Variants in EVI5 observed in about 807,000 individuals in gnomAD.
EVI5 encodes the protein ecotropic viral integration site 5 protein homolog.
Under a neutral mutation model 112.0 loss-of-function variants are expected in EVI5, and 73 were observed. That is an observed-to-expected ratio of 0.65 (90% CI 0.54 to 0.79). EVI5 has a LOEUF of 0.79. Ranked by LOEUF, EVI5 falls within the 30% of genes least tolerant of loss-of-function variation. The pLI is 0.00. For missense variants in EVI5, 900 were observed against 968.8 expected, an observed-to-expected ratio of 0.93 and a Z score of 0.94; for synonymous variants, 305 against 319.9, an observed-to-expected ratio of 0.95 and a Z score of 0.50.
chr1:92,757,189 T>A (rs114547655), intron 1 of EVI5, among the ~76,000 whole-genome samples: 1 of 152,230 alleles, frequency 6.6e-6, no homozygotes. Flanking sequence ...AATCCGTGTA[T>A]GACAAAAATG....
intron 19 of EVI5, among the ~76,000 whole-genome samples, chr1:92,560,023 C>A (rs1170769146): frequency 6.6e-6 from 1 of 152,110 alleles, no homozygotes. Flanking sequence ...ATAAGAAAGA[C>A]TGACAATTCC....
intron 19 of EVI5, among the ~76,000 whole-genome samples, chr1:92,549,130 G>A (rs892311066): frequency 1.3e-5 from 2 of 152,050 alleles, no homozygotes; most frequent in Non-Finnish European, 2.9e-5. Context: ...AAACAGCATG[G>A]TACTGGTACC....
chr1:92,755,436 A>T (rs1380028190), intron 1 of EVI5, among the ~76,000 whole-genome samples: 1 of 152,014 alleles, frequency 6.6e-6, no homozygotes, highest in East Asian at 1.9e-4. Context: ...AAACCAAAAA[A>T]CCCAAAAACA....
chr1:92,547,524 C>A (rs1468084267), intron 19 of EVI5, among the ~76,000 whole-genome samples: 1 of 152,048 alleles, frequency 6.6e-6, no homozygotes, highest in East Asian at 1.9e-4. Context: ...GAGATAGAGA[C>A]ACAAAAAACC....
intron 1 of EVI5, among the ~76,000 whole-genome samples, chr1:92,754,181 C>G (rs756492307): frequency 2.0e-5 from 3 of 152,220 alleles, no homozygotes; most frequent in Non-Finnish European, 4.4e-5. Context: ...ATTCAAACAT[C>G]AGGCTATCTC....
At chr1:92,548,557 T>C (rs953262961) in intron 19 of EVI5, among the ~76,000 whole-genome samples, 1 of 152,092 alleles carries the variant, frequency 6.6e-6, no homozygotes, top group African/African-American at 2.4e-5. Context: ...AGTCAAATTG[T>C]CCCTGTTTGC....
chr1:92,760,167 T>C (rs1261436736), intron 1 of EVI5, among the ~76,000 whole-genome samples: 6 of 152,194 alleles, frequency 3.9e-5, no homozygotes, highest in Non-Finnish European at 8.8e-5. Flanking sequence ...AATTAATTTT[T>C]GGAGAGTCCT....
At chr1:92,657,019 CCTT>C (rs1327398049) in intron 13 of EVI5, among the ~76,000 whole-genome samples, 2 of 152,094 alleles carry the variant, frequency 1.3e-5, no homozygotes, top group Admixed American at 6.5e-5. Context: ...AGGGACTCCT[CCTT>C]AACTCATTCT....
intron 14 of EVI5, among the ~76,000 whole-genome samples, chr1:92,634,191 G>C (rs1195464439): frequency 6.6e-6 from 1 of 152,048 alleles, no homozygotes; most frequent in Non-Finnish European, 1.5e-5. Context: ...GTATCTTTGT[G>C]GTATTCTCTG....
intron 18 of EVI5, chr1:92,580,410 C>T (rs1344803514): frequency 2.6e-5 from 4 of 152,204 alleles, no homozygotes; most frequent in African/African-American, 9.7e-5. Flanking sequence ...TTTTAAAAAC[C>T]AATCAATGAT....
At chr1:92,561,616 T>TGTATC (rs1557790388) in intron 19 of EVI5, among the ~76,000 whole-genome samples, 100 of 83,914 alleles carry the variant, frequency 1.2e-3, no homozygotes, top group Non-Finnish European at 1.6e-3. Context: ...ATCCTATCTA[T>TGTATC]CTATCTATCT....
intron 16 of EVI5, among the ~76,000 whole-genome samples, chr1:92,612,077 G>A (rs1571882090): frequency 6.6e-6 from 1 of 152,160 alleles, no homozygotes; most frequent in East Asian, 1.9e-4. Flanking sequence ...TAAGACAGAA[G>A]AACACATGAA....
chr1:92,605,403 C>A lies in EVI5; in HGVS notation c.1975-1G>T. 1 of 1,605,400 alleles carries A rather than the reference C, an allele frequency of 6.2e-7. No individual in the cohort carries two copies. The highest frequency in any genetic ancestry group is 1.1e-5 in the South Asian group (1 of 90,834). On this transcript the variant is annotated splice_acceptor_variant, in intron 17 of 19. Transcript: ENST00000684568. LOFTEE classifies it high-confidence loss of function. Reference sequence around the variant, plus strand: ...TCACAGCCATCACTTCTTCCTTATTCTAGTGTGGTAAACCAAACCGAAACA... The same window carrying A: ...TCACAGCCATCACTTCTTCCTTATTATAGTGTGGTAAACCAAACCGAAACA...
intron 1 of EVI5, chr1:92,792,312 A>G: frequency 7.1e-7 from 1 of 1,416,190 alleles, no homozygotes; most frequent in Non-Finnish European, 1.0e-6. Context: ...ATAAGTTTTA[A>G]TATAAAATCA....
At chr1:92,689,181 G>A (rs574726238) in intron 9 of EVI5, among the ~76,000 whole-genome samples, 2 of 152,142 alleles carry the variant, frequency 1.3e-5, no homozygotes, top group African/African-American at 2.4e-5. Flanking sequence ...ATACACTGCT[G>A]GGTTAGACTA....
Position 92,577,442 on chromosome 1 carries a change from A to T in EVI5, c.2071-13705T>A, listed in dbSNP as rs189626704. 8.0e-3 allele frequency among the ~76,000 whole-genome samples: 1,213 copies of T among 152,334 alleles called. 10 individuals are homozygous for T. Among genetic ancestry groups the T allele is most frequent in the Middle Eastern group, 0.014 (4 of 294 alleles). On this transcript the variant is annotated intron_variant, in intron 18 of 19. Coordinates refer to ENST00000684568, the MANE Select transcript of EVI5 (RefSeq NM_001350197.2). The stretch of plus-strand genomic sequence containing the variant: ...GTCCAGGAAATCCAGGTCAGACTTG[A>T]TGCTGCAGGGTAGCATCAGTAGGGC...
At chr1:92,553,297 ATTTT>A (rs147973775) in intron 19 of EVI5, among the ~76,000 whole-genome samples, 1 of 74,214 alleles carries the variant, frequency 1.3e-5, no homozygotes, top group Non-Finnish European at 2.4e-5. Context: ...CACCTGGCCA[ATTTT>A]TTTTTTTTTT....
chr1:92,681,799 C>A (rs142557331), intron 9 of EVI5, among the ~76,000 whole-genome samples: 3 of 152,150 alleles, frequency 2.0e-5, no homozygotes, highest in Non-Finnish European at 2.9e-5. Context: ...CTAATTAGCA[C>A]TTGAAATATA....
At chr1:92,626,027 T>C (rs1283008345) in intron 14 of EVI5, 93 bp from the exon 15 acceptor site, 6 of 720,498 alleles carry the variant, frequency 8.3e-6, no homozygotes, top group Non-Finnish European at 1.2e-5. Context: ...CTTAAATGTA[T>C]TTAATTTTAT....
Sources: gnomAD v4.1 joint callset for allele counts (sites outside exome capture counted in the v4.1 genomes callset) on GRCh38, gnomAD v4.1.1 for gene constraint, MANE v1.5 for transcripts, NCBI Gene and HGNC (gene_info 2026-07-23, HGNC 2026-07-21) for gene names.